The following KDM6B variants were observed in gnomAD, a reference collection of about 807,000 sequenced individuals.
The protein encoded by KDM6B is lysine-specific demethylase 6B.
Under a neutral mutation model 150.4 loss-of-function variants are expected in KDM6B, and 22 were observed. That is an observed-to-expected ratio of 0.15 (90% CI 0.10 to 0.21). The LOEUF (loss-of-function observed/expected upper bound fraction) is 0.21, where lower values mean the gene tolerates loss of function less well. KDM6B is among the 10% of genes least tolerant of loss of function. The probability of loss-of-function intolerance (pLI) is 1.00; values close to 1 mark genes in which losing one functional copy is unlikely to be tolerated. For missense variants in KDM6B, 1,984 were observed against 2,234.3 expected, an observed-to-expected ratio of 0.89 and a Z score of 2.26; for synonymous variants, 1,148 against 921.1, an observed-to-expected ratio of 1.25 and a Z score of -4.46.
Position 7,849,391 on chromosome 17 carries a change from C to T in KDM6B, c.3103C>T (p.Arg1035Trp), listed in dbSNP as rs775417005. Residue 1035 changes from arginine (R) to tryptophan (W), a missense_variant, in exon 12 of 24, where the codon CGG becomes TGG. Transcript: ENST00000448097. ...GGAGATCCAGGGTCGTGAGAAGTCCCGGCCCGATCTTGGCGGGGCCTCCAA... is the reference window on the plus strand; with the variant it reads ...GGAGATCCAGGGTCGTGAGAAGTCCTGGCCCGATCTTGGCGGGGCCTCCAA... The part of the protein sequence containing the change: ...SEEIQGREKS[R>W]PDLGGASKAK... The T allele has an allele frequency of 1.6e-4, 259 of 1,610,442 alleles. No homozygotes were observed. Among genetic ancestry groups the T allele is most frequent in the Non-Finnish European group, 2.1e-4 (242 of 1,179,228 alleles).
chr17:7,834,228 A>G lies in KDM6B; in HGVS notation c.-510A>G, dbSNP rs962798051. 4.6e-5 allele frequency among the ~76,000 whole-genome samples: 7 copies of G among 151,154 alleles called. No individual in the cohort carries two copies. The highest frequency in any genetic ancestry group is 8.9e-5 in the Non-Finnish European group (6 of 67,686). On this transcript the variant is annotated 5_prime_UTR_variant, in exon 1 of 24. Coordinates refer to ENST00000448097, the MANE Select transcript of KDM6B (RefSeq NM_001348716.2). ...GCGGGGGTGCGGGTGTTTGTGTTGGAAAATCCAACTGCGCCACTGGGCGGA... is the reference window on the plus strand; with the variant it reads ...GCGGGGGTGCGGGTGTTTGTGTTGGGAAATCCAACTGCGCCACTGGGCGGA...
chr17:7,852,972 G>A, intron 21 of KDM6B, 28 bp from the exon 22 acceptor site: 1 of 1,613,476 alleles, frequency 6.2e-7, no homozygotes, highest in East Asian at 2.2e-5. Flanking sequence ...CTTGCCGGTG[G>A]TCTCAACACA....
chr17:7,837,260 T>G (rs540048309), intron 1 of KDM6B, among the ~76,000 whole-genome samples: 1 of 151,826 alleles, frequency 6.6e-6, no homozygotes, highest in South Asian at 2.1e-4. Context: ...TGGGAGTGGT[T>G]GAAAGACGGA....
intron 17 of KDM6B, 40 bp downstream of exon 17, chr17:7,851,589 C>G (rs1166975575): frequency 5.6e-6 from 9 of 1,611,608 alleles, no homozygotes; most frequent in South Asian, 1.1e-5. Context: ...GGCAGGAGTG[C>G]TGCTAGGACC....
rs772546111 is a variant in KDM6B at position 7,847,572 on chromosome 17, C to T, written c.1284C>T (p.Pro428=). ...GIPGADHYQT[P]ALEVSHHGRL... ...CCGGCGCTGACCATTACCAAACTCC[C>T]GCGCTGGAGGTCTCTCACCATGGCC... The change falls in exon 12 of 24, where the codon CCC becomes CCT. Residue 428 remains proline, a synonymous_variant. Transcript: ENST00000448097. 16 of 1,613,220 alleles carry T rather than the reference C, an allele frequency of 9.9e-6. No individual in the cohort carries two copies. The highest frequency in any genetic ancestry group is 3.3e-5 in the South Asian group (3 of 91,078).
intron 4 of KDM6B, 24 bp from the exon 5 acceptor site, chr17:7,845,526 C>A: frequency 1.2e-6 from 2 of 1,613,956 alleles, no homozygotes; most frequent in Non-Finnish European, 1.7e-6. Context: ...CCAGTAAGAG[C>A]ATAATTTCTT....
At position 7,846,489 on chromosome 17, in the gene KDM6B, T is replaced by C; in HGVS notation, c.546T>C (p.Leu182=). 2.5e-6 allele frequency: 4 copies of C among 1,613,572 alleles called. No individual in the cohort carries two copies. Among genetic ancestry groups the C allele is most frequent in the Non-Finnish European group, 3.4e-6 (4 of 1,179,750 alleles). Residue 182 remains leucine (L), a synonymous_variant, in exon 8 of 24, where the codon CTT becomes CTC. Coordinates refer to ENST00000448097, the MANE Select transcript of KDM6B (RefSeq NM_001348716.2). ...PLEQVWNLLH[L]EHKRNYGAKR... ...AGCAAGTGTGGAACTTGCTACACCT[T>C]GAGGTGAGGCTGGCACTGGGTGGGT...
chr17:7,839,886 A>G lies in KDM6B; in HGVS notation c.-387-20A>G, dbSNP rs543039726. ...TCCATCCTGGAAGACCCCCACCTCT[A>G]ACTGACTTTTTTCTTTTAGGTTCCC... On this transcript the variant is annotated intron_variant, in intron 1 of 23. Transcript: ENST00000448097. 4 of 152,502 alleles carry G rather than the reference A, an allele frequency of 2.6e-5. No homozygotes were observed. The East Asian group carries it at 7.7e-4, about 29-fold the overall frequency. The allele number at this position is 152,502 out of a possible 1,614,324, so 9.4% of individuals were successfully genotyped here.
rs1567799324 is a variant in KDM6B, at chr17:7,849,546, G to C, written c.3258G>C (p.Arg1086=). 6.2e-7 allele frequency: 1 copy of C among 1,612,838 alleles called. No homozygotes were observed. Among genetic ancestry groups the C allele is most frequent in the Admixed American group, 1.7e-5 (1 of 60,014 alleles). ...CCCCAGGGCCACCGGGTGTCAGCCG[G>C]GCCGACATGCTGAAGCTGCGCTCAC... The part of the protein sequence containing the change: ...EEAPGPPGVS[R]ADMLKLRSLS... Residue 1086 remains arginine (R), a synonymous_variant, in exon 12 of 24, where the codon CGG becomes CGC. Transcript: ENST00000448097.
Position 7,846,490 on chromosome 17 carries a change from G to A in KDM6B, c.547G>A (p.Glu183Lys), listed in dbSNP as rs762966131. Reference protein sequence around the residue: ...LEQVWNLLHLEHKRNYGAKRG... With the variant: ...LEQVWNLLHLKHKRNYGAKRG... ...GCAAGTGTGGAACTTGCTACACCTT[G>A]AGGTGAGGCTGGCACTGGGTGGGTT... Residue 183 changes from glutamate to lysine, a missense_variant and splice_region_variant, in exon 8 of 24, where the codon GAG becomes AAG. Physicochemically the swap from Glu to Lys is moderately conservative, Grantham distance 56. Around this residue, in one of 13 missense-constraint regions of KDM6B, gnomAD observed 337 missense variants for 323.9 expected, o/e 1.04. Transcript: ENST00000448097. 6.2e-7 allele frequency: 1 copy of A among 1,613,616 alleles called. No homozygotes were observed. Among genetic ancestry groups the A allele is most frequent in the Non-Finnish European group, 8.5e-7 (1 of 1,179,924 alleles).
At chr17:7,846,364 G>C in intron 7 of KDM6B, 36 bp from the exon 8 acceptor site, 1 of 1,553,002 alleles carries the variant, frequency 6.4e-7, no homozygotes, top group Non-Finnish European at 8.7e-7. Context: ...TGCCCCACCT[G>C]ACATCTGCCC....
Position 7,847,112 on chromosome 17 carries a change from G to C in KDM6B, c.917G>C (p.Arg306Pro). The C allele has an allele frequency of 1.9e-6, 3 of 1,611,890 alleles. No individual in the cohort carries two copies. Among genetic ancestry groups the C allele is most frequent in the Non-Finnish European group, 1.7e-6 (2 of 1,179,716 alleles). Residue 306 changes from arginine to proline, a missense_variant, in exon 11 of 24, where the codon CGG becomes CCG. By Grantham distance (103) the Arg-to-Pro change is moderately radical. Around this residue, in one of 13 missense-constraint regions of KDM6B, gnomAD observed 1,379 missense variants for 1,275.6 expected, o/e 1.08. Transcript: ENST00000448097. ...GSAPPERQEQ[R>P]HSLPHPYPYP... The stretch of plus-strand genomic sequence containing the variant: ...CCTGTTTATCTCCTATAGGAGCAGC[G>C]GCACTCGCTGCCTCACCCATATCCA...
At chr17:7,834,557 A>C (rs537317409) in intron 1 of KDM6B, among the ~76,000 whole-genome samples, 1 of 149,684 alleles carries the variant, frequency 6.7e-6, no homozygotes, top group Non-Finnish European at 1.5e-5. Flanking sequence ...CAGATGTCTC[A>C]GGTTCCAAAT....
chr17:7,852,733 C>A, intron 21 of KDM6B, 97 bp downstream of exon 21: 1 of 1,535,754 alleles, frequency 6.5e-7, no homozygotes, highest in Non-Finnish European at 9.0e-7. Context: ...TCTCTCCATC[C>A]TTGTCTGCCT....
chr17:7,853,454 C>G, intron 23 of KDM6B, 44 bp from the exon 24 acceptor site: 7 of 1,512,840 alleles, frequency 4.6e-6, no homozygotes, highest in South Asian at 1.2e-5. Context: ...TTCGGGAGCC[C>G]GGCCGCGCCT....
chr17:7,837,195 C>T (rs1327403865), intron 1 of KDM6B, among the ~76,000 whole-genome samples: 1 of 152,178 alleles, frequency 6.6e-6, no homozygotes, highest in East Asian at 1.9e-4. Flanking sequence ...TTTTACTTTC[C>T]CACCTGCTGC....
chr17:7,849,092 C>T lies in KDM6B; in HGVS notation c.2804C>T (p.Pro935Leu), dbSNP rs1044822727. 1.2e-6 allele frequency: 2 copies of T among 1,612,378 alleles called. No individual in the cohort carries two copies. Among genetic ancestry groups the T allele is most frequent in the Non-Finnish European group, 1.7e-6 (2 of 1,179,912 alleles). The stretch of plus-strand genomic sequence containing the variant: ...CGGGTGGGCCGGAGTGCCACTGACC[C>T]AGCCGACCCAGTGGACACAGCAGAG... The part of the protein sequence containing the change: ...VERVGRSATD[P>L]ADPVDTAEPA... Residue 935 changes from proline to leucine, a missense_variant, in exon 12 of 24, where the codon CCA becomes CTA. Around this residue, in one of 13 missense-constraint regions of KDM6B, gnomAD observed 1,379 missense variants for 1,275.6 expected, o/e 1.08. Coordinates refer to ENST00000448097, the MANE Select transcript of KDM6B (RefSeq NM_001348716.2).
chr17:7,853,681 CTTTT>C lies in KDM6B; in HGVS notation c.*172_*175del, dbSNP rs35202212. On this transcript the variant is annotated 3_prime_UTR_variant, in exon 24 of 24. Transcript: ENST00000448097. ...CCCTCACTTAATTTATTAAGAAAAA[CTTTT>C]TTTTTTTTTTTAGCAAATATGAGGA... 1.7e-4 allele frequency: 55 copies of C among 321,196 alleles called. No homozygotes were observed. Among genetic ancestry groups the C allele is most frequent in the Middle Eastern group, 8.8e-4 (1 of 1,136 alleles). The allele number at this position is 321,196 out of a possible 1,614,324, so 19.9% of individuals were successfully genotyped here.
In KDM6B at chr17:7,850,176, C is replaced by T; in HGVS notation, c.3672C>T (p.Leu1224=). 6.2e-7 allele frequency: 1 copy of T among 1,612,600 alleles called. No homozygotes were observed. Among genetic ancestry groups the T allele is most frequent in the Non-Finnish European group, 8.5e-7 (1 of 1,179,290 alleles). ...GGGGCCTGGCGGGCTCCCTGCGGCT[C>T]AGTGAGTATGGGGGGCAGAAAGTGT... ...VIRGLAGSLR[L]NLGLFSTKTL... The change falls in exon 14 of 24, where the codon CTC becomes CTT. Residue 1224 remains leucine (L), a splice_region_variant and synonymous_variant. Coordinates refer to ENST00000448097, the MANE Select transcript of KDM6B (RefSeq NM_001348716.2).
Sources: gnomAD v4.1 joint callset for allele counts (sites outside exome capture counted in the v4.1 genomes callset) on GRCh38, gnomAD v4.1.1 for gene constraint, gnomAD v4.1.1 regional missense constraint, MANE v1.5 for transcripts, NCBI Gene and HGNC (gene_info 2026-07-23, HGNC 2026-07-21) for gene names.